Variants in HDAC9 observed in about 807,000 individuals in gnomAD.
HDAC9 encodes MEF-2 interacting transcription repressor (MITR) protein.
Under a neutral mutation model 139.4 loss-of-function variants are expected in HDAC9, and 41 were observed. The ratio of observed to expected loss-of-function variants is 0.29; its 90% CI spans 0.23 to 0.38. The LOEUF (loss-of-function observed/expected upper bound fraction) is 0.38, where lower values mean the gene tolerates loss of function less well. HDAC9 is among the 10% of genes least tolerant of loss of function. HDAC9 has a pLI of 1.00. For missense variants in HDAC9, 1,147 were observed against 1,297.0 expected (o/e 0.88, Z 1.78); for synonymous variants, 517 against 476.2 (o/e 1.09, Z -1.12).
rs1256549613 is a variant in HDAC9, at chr7:18,244,691, G to A, written c.25+82342G>A. Among the ~76,000 whole-genome samples the A allele has an allele frequency of 4.6e-5, 7 of 152,098 alleles. No individual in the cohort carries two copies. The South Asian group carries it at 6.2e-4, about 14-fold the overall frequency. On this transcript the variant is annotated intron_variant, in intron 2 of 12. Coordinates refer to the HDAC9 transcript ENST00000417496. Reference sequence around the variant, plus strand: ...CGGGCGCCTGTAGTCCCAGCTACTCGGGAGCCTGAGGCGGGAGAATGGCGT... The same window carrying A: ...CGGGCGCCTGTAGTCCCAGCTACTCAGGAGCCTGAGGCGGGAGAATGGCGT...
chr7:18,276,955 T>G (rs1347297608), intron 2 of HDAC9, among the ~76,000 whole-genome samples: 1 of 152,192 alleles, frequency 6.6e-6, no homozygotes, highest in African/African-American at 2.4e-5. Context: ...TACCTAAATT[T>G]TTCTTGCATC....
intron 1 of HDAC9, among the ~76,000 whole-genome samples, chr7:18,376,591 T>C (rs1484824123): frequency 1.3e-5 from 2 of 152,194 alleles, no homozygotes; most frequent in East Asian, 1.9e-4. Flanking sequence ...TTACACCATA[T>C]TGATGCAGAC....
chr7:18,467,424 CTT>C (rs1794373742), intron 1 of HDAC9, among the ~76,000 whole-genome samples: 1 of 152,142 alleles, frequency 6.6e-6, no homozygotes, highest in Admixed American at 6.6e-5. Flanking sequence ...TGAAACAACT[CTT>C]GTTGTTTTTC....
chr7:18,343,491 A>G (rs12539678), intron 1 of HDAC9, among the ~76,000 whole-genome samples: 31,038 of 151,780 alleles, frequency 0.2, 3,254 homozygotes, highest in Middle Eastern at 0.22. Flanking sequence ...AATGTTGCCT[A>G]GTGTATGGTG....
At chr7:18,620,780 A>G (rs1423239187) in intron 6 of HDAC9, among the ~76,000 whole-genome samples, 2 of 152,022 alleles carry the variant, frequency 1.3e-5, no homozygotes, top group Non-Finnish European at 2.9e-5. Flanking sequence ...TTGTCTTCCC[A>G]TCCTACTCTG....
intron 16 of HDAC9, among the ~76,000 whole-genome samples, chr7:18,790,703 A>G (rs533991497): frequency 6.6e-6 from 1 of 152,310 alleles, no homozygotes; most frequent in Admixed American, 6.5e-5. Context: ...TGTAGGTAAA[A>G]CATAGGTTGA....
At chr7:18,105,789 T>C (rs1783156793) in intron 1 of HDAC9, among the ~76,000 whole-genome samples, 2 of 152,156 alleles carry the variant, frequency 1.3e-5, no homozygotes. Context: ...TGATTATTCA[T>C]GTCCATTTAT....
At chr7:18,145,152 C>T (rs914605760) in intron 1 of HDAC9, among the ~76,000 whole-genome samples, 2 of 152,204 alleles carry the variant, frequency 1.3e-5, no homozygotes, top group African/African-American at 4.8e-5. Context: ...TTTATTTGGA[C>T]AGTCAACAAT....
Position 18,647,835 on chromosome 7 carries a change from G to A in HDAC9, c.1086G>A (p.Arg362=). 1 of 1,612,382 alleles carries A rather than the reference G, an allele frequency of 6.2e-7. No homozygotes were observed. The change falls in exon 10 of 26, where the codon AGG becomes AGA. Residue 362 remains arginine, a synonymous_variant. Coordinates refer to ENST00000686413, the MANE Select transcript of HDAC9 (RefSeq NM_178425.4). ...AGAAGTGTGAGACGCAGACGCTTAGGCAAGGTGTTCCTCTGCCTGGGCAGT... is the reference window on the plus strand; with the variant it reads ...AGAAGTGTGAGACGCAGACGCTTAGACAAGGTGTTCCTCTGCCTGGGCAGT... ...EKQKCETQTL[R]QGVPLPGQYG...
chr7:18,298,231 T>G (rs777226905), intron 1 of HDAC9, among the ~76,000 whole-genome samples: 26 of 152,128 alleles, frequency 1.7e-4, no homozygotes, highest in Admixed American at 3.9e-4. Flanking sequence ...TCCATATTTA[T>G]CTAACCTTTA....
At chr7:18,775,204 G>A (rs1187960859) in intron 16 of HDAC9, among the ~76,000 whole-genome samples, 1 of 151,884 alleles carries the variant, frequency 6.6e-6, no homozygotes, top group Admixed American at 6.6e-5. Flanking sequence ...GATCACAGAT[G>A]GGCATAAAAG....
intron 1 of HDAC9, among the ~76,000 whole-genome samples, chr7:18,433,604 G>A (rs1289159269): frequency 1.3e-5 from 2 of 152,162 alleles, no homozygotes; most frequent in African/African-American, 4.8e-5. Context: ...AAAATCAGTA[G>A]CACTTCTGTA....
chr7:18,248,713 T>C (rs1794722225), intron 2 of HDAC9, among the ~76,000 whole-genome samples: 2 of 152,218 alleles, frequency 1.3e-5, no homozygotes, highest in Non-Finnish European at 2.9e-5. Flanking sequence ...AAAAGTCTTC[T>C]CACCAAGGCT....
chr7:18,261,720 A>G (rs1484872222), intron 2 of HDAC9, among the ~76,000 whole-genome samples: 1 of 152,212 alleles, frequency 6.6e-6, no homozygotes, highest in Non-Finnish European at 1.5e-5. Context: ...AAGAAGATAA[A>G]TTTAGTTGTC....
chr7:18,990,134 G>A (rs529431019), intron 25 of HDAC9, among the ~76,000 whole-genome samples: 4 of 152,158 alleles, frequency 2.6e-5, no homozygotes, highest in African/African-American at 7.2e-5. Flanking sequence ...GGCACTCTGC[G>A]TTTTAGAGTT....
chr7:18,503,887 A>G (rs976892135), intron 2 of HDAC9, among the ~76,000 whole-genome samples: 2 of 152,200 alleles, frequency 1.3e-5, no homozygotes, highest in African/African-American at 4.8e-5. Context: ...AAGGCATGAC[A>G]TTTTCAAATG....
intron 23 of HDAC9, among the ~76,000 whole-genome samples, chr7:18,946,589 T>C (rs1483364997): frequency 6.6e-6 from 1 of 152,144 alleles, no homozygotes; most frequent in Non-Finnish European, 1.5e-5. Flanking sequence ...TTCATACTGA[T>C]AAAATATTCT....
intron 12 of HDAC9, among the ~76,000 whole-genome samples, chr7:18,669,678 A>G (rs1459203146): frequency 6.6e-6 from 1 of 151,914 alleles, no homozygotes; most frequent in Non-Finnish European, 1.5e-5. Flanking sequence ...AGTATGAGTT[A>G]GAGAAATCAA....
chr7:18,574,757 C>T (rs1299025663), intron 2 of HDAC9, among the ~76,000 whole-genome samples: 1 of 152,240 alleles, frequency 6.6e-6, no homozygotes, highest in Non-Finnish European at 1.5e-5. Context: ...ACATACCCAG[C>T]CGGGTTGCGA....
Sources: allele counts gnomAD v4.1 joint callset (sites outside exome capture counted in the v4.1 genomes callset), GRCh38; gene constraint gnomAD v4.1.1; transcripts MANE v1.5; gene names NCBI Gene and HGNC (gene_info 2026-07-23, HGNC 2026-07-21).